The following TTC28 variants were observed in gnomAD, a reference collection of about 807,000 sequenced individuals.
TTC28 encodes tetratricopeptide repeat protein 28.
A neutral mutation model predicts 198.0 loss-of-function variants in TTC28; 61 were observed. The ratio of observed to expected loss-of-function variants is 0.31; its 90% CI spans 0.25 to 0.38. TTC28 has a LOEUF of 0.38. TTC28 is among the 10% of genes least tolerant of loss of function. The pLI is 1.00. For synonymous variants in TTC28, 1,171 were observed against 1,297.8 expected, an observed-to-expected ratio of 0.90 and a Z score of 2.10; for missense variants, 2,678 against 3,164.0, an observed-to-expected ratio of 0.85 and a Z score of 3.69.
intron 12 of TTC28, among the ~76,000 whole-genome samples, chr22:28,080,243 T>C (rs1044538486): frequency 1.3e-5 from 2 of 152,180 alleles, no homozygotes; most frequent in Non-Finnish European, 2.9e-5. Flanking sequence ...ACTAATTCTA[T>C]TTTTTAGAGG....
At chr22:28,549,585 TTCTTTGGTAC>T (rs2049620397) in intron 2 of TTC28, among the ~76,000 whole-genome samples, 1 of 152,242 alleles carries the variant, frequency 6.6e-6, no homozygotes, top group Non-Finnish European at 1.5e-5. Flanking sequence ...TCTATCTTAA[TTCTTTGGTAC>T]TCATTACAAT....
At chr22:28,549,505 G>A (rs1470570526) in intron 2 of TTC28, among the ~76,000 whole-genome samples, 2 of 152,122 alleles carry the variant, frequency 1.3e-5, no homozygotes, top group Non-Finnish European at 2.9e-5. Flanking sequence ...CAGGCCCTGT[G>A]TTAAACATCA....
At chr22:28,175,631 G>A (rs1923091130) in intron 5 of TTC28, among the ~76,000 whole-genome samples, 2 of 152,220 alleles carry the variant, frequency 1.3e-5, no homozygotes, top group South Asian at 4.2e-4. Context: ...TACTCAGGAG[G>A]CCGAAACAAG....
In TTC28 at chr22:28,343,529, C is replaced by CAA. The variant is rs35941888; in HGVS notation, c.382-36888_382-36887dup. Among the ~76,000 whole-genome samples the CAA allele has an allele frequency of 6.2e-3, 841 of 134,654 alleles. 1 individual carries two copies. Among genetic ancestry groups the CAA allele is most frequent in the African/African-American group, 0.018 (648 of 35,036 alleles). The allele number at this position is 134,654 out of a possible 152,430, so 88.3% of individuals were successfully genotyped here. Reference sequence around the variant, plus strand: ...TGGGACACAGAGTGAGACTCTGTCTCAAAAAAAAAAAAAAGCTTCTGATAC... The same window carrying CAA: ...TGGGACACAGAGTGAGACTCTGTCTCAAAAAAAAAAAAAAAAGCTTCTGATAC... On this transcript the variant is annotated intron_variant, in intron 2 of 22. Coordinates refer to ENST00000397906, the MANE Select transcript of TTC28 (RefSeq NM_001145418.2).
At chr22:27,988,281 C>CTT (rs138641) in intron 21 of TTC28, among the ~76,000 whole-genome samples, 6,597 of 99,308 alleles carry the variant, frequency 0.066, 291 homozygotes, top group Non-Finnish European at 0.09. Flanking sequence ...AAGAAGCTTG[C>CTT]TTTTTTTTTT....
intron 1 of TTC28, among the ~76,000 whole-genome samples, chr22:28,656,155 TAAACTC>T (rs1318940278): frequency 6.6e-6 from 1 of 152,210 alleles, no homozygotes; most frequent in South Asian, 2.1e-4. Context: ...CCAGGGAACT[TAAACTC>T]AGACTTCTGA....
Position 27,989,613 on chromosome 22 carries a change from A to AT in TTC28, c.5707+264dup, listed in dbSNP as rs1039804927. On this transcript the variant is annotated intron_variant, in intron 21 of 22. Coordinates refer to ENST00000397906, the MANE Select transcript of TTC28 (RefSeq NM_001145418.2). Reference sequence around the variant, plus strand: ...AGGCATGCACCACCATGCCCGGCTAATTTTTTTTAATTTTTGTAGAGATGG... The same window carrying AT: ...AGGCATGCACCACCATGCCCGGCTAATTTTTTTTTAATTTTTGTAGAGATGG... 2.6e-5 allele frequency among the ~76,000 whole-genome samples: 4 copies of AT among 151,906 alleles called. 1 individual carries two copies. Among genetic ancestry groups the AT allele is most frequent in the Admixed American group, 1.3e-4 (2 of 15,252 alleles).
intron 12 of TTC28, among the ~76,000 whole-genome samples, chr22:28,043,519 G>T (rs1301616294): frequency 6.6e-6 from 1 of 152,014 alleles, no homozygotes; most frequent in African/African-American, 2.4e-5. Context: ...AGAGCAGTTT[G>T]CACCTCCAGC....
At chr22:28,216,703 CAATA>C (rs1389076511) in intron 5 of TTC28, among the ~76,000 whole-genome samples, 4 of 152,010 alleles carry the variant, frequency 2.6e-5, no homozygotes, top group Admixed American at 6.6e-5. Context: ...ATGTTGATGA[CAATA>C]AATATTTTTT....
intron 2 of TTC28, among the ~76,000 whole-genome samples, chr22:28,469,770 T>G (rs1448310409): frequency 6.6e-6 from 1 of 152,228 alleles, no homozygotes; most frequent in Non-Finnish European, 1.5e-5. Flanking sequence ...CTAGTGAAAT[T>G]AATTTCAGAC....
At chr22:28,081,843 A>AGT (rs374675356) in intron 12 of TTC28, among the ~76,000 whole-genome samples, 9 of 152,350 alleles carry the variant, frequency 5.9e-5, no homozygotes, top group Non-Finnish European at 8.8e-5. Context: ...CACTTTGGAT[A>AGT]GTATGGATGC....
chr22:28,378,850 GA>G (rs1047682812), intron 2 of TTC28, among the ~76,000 whole-genome samples: 1 of 152,140 alleles, frequency 6.6e-6, no homozygotes, highest in Non-Finnish European at 1.5e-5. Context: ...CAAAGGAGAA[GA>G]GAGACAGGAG....
rs970520190 is a variant in TTC28 at position 28,241,242 on chromosome 22, C to T, written c.933+54956G>A. ...GTATTTTTGCCCCCAAAATGGAAAA[C>T]GAGGATCTAATCATGAAGAAACTTA... On this transcript the variant is annotated intron_variant, in intron 5 of 22. Transcript: ENST00000397906. Among the ~76,000 whole-genome samples, 5 of 152,008 alleles carry T rather than the reference C, an allele frequency of 3.3e-5. 1 individual carries two copies. The South Asian group carries it at 6.2e-4, about 19-fold the overall frequency.
intron 2 of TTC28, among the ~76,000 whole-genome samples, chr22:28,505,680 A>G (rs1260644290): frequency 6.6e-6 from 1 of 152,188 alleles, no homozygotes; most frequent in African/African-American, 2.4e-5. Context: ...GAAACCCAGA[A>G]GTTTTACCTA....
At chr22:28,470,762 A>C (rs1025771123) in intron 2 of TTC28, among the ~76,000 whole-genome samples, 5 of 152,234 alleles carry the variant, frequency 3.3e-5, no homozygotes, top group African/African-American at 1.2e-4. Context: ...GGAACGTAAA[A>C]CAGCCGTCTG....
At chr22:28,108,505 G>T (rs1601628932) in intron 6 of TTC28, 102 bp from the exon 7 acceptor site, 1 of 1,047,466 alleles carries the variant, frequency 9.5e-7, no homozygotes, top group Non-Finnish European at 1.3e-6. Flanking sequence ...ATGCAATCCA[G>T]ATGAATTAAA....
intron 21 of TTC28, among the ~76,000 whole-genome samples, chr22:27,987,849 T>C (rs375221084): frequency 6.6e-6 from 1 of 152,166 alleles, no homozygotes; most frequent in Non-Finnish European, 1.5e-5. Flanking sequence ...CAGTCTAGCG[T>C]CCATCTGCTG....
chr22:28,647,503 G>A (rs2146254318), intron 1 of TTC28, among the ~76,000 whole-genome samples: 1 of 152,058 alleles, frequency 6.6e-6, no homozygotes, highest in South Asian at 2.1e-4. Flanking sequence ...GAATCCACAA[G>A]GAACTCAAAC....
At chr22:28,214,282 G>C (rs546118251) in intron 5 of TTC28, among the ~76,000 whole-genome samples, 1 of 152,132 alleles carries the variant, frequency 6.6e-6, no homozygotes, top group Non-Finnish European at 1.5e-5. Context: ...TTGACAAATG[G>C]GATCTAATTA....
Sources: allele counts gnomAD v4.1 joint callset (sites outside exome capture counted in the v4.1 genomes callset), GRCh38; gene constraint gnomAD v4.1.1; transcripts MANE v1.5; gene names NCBI Gene and HGNC (gene_info 2026-07-23, HGNC 2026-07-21).